The following LDAH variants were observed in gnomAD, a reference collection of about 807,000 sequenced individuals.
LDAH encodes lipid droplet associated hydrolase, also known as lipid droplet-associated hydrolase.
In LDAH, 26 loss-of-function variants were observed where a neutral mutation model predicts 29.6. That is an observed-to-expected ratio of 0.88 (90% CI 0.64 to 1.22). The LOEUF (loss-of-function observed/expected upper bound fraction) is 1.22, where lower values mean the gene tolerates loss of function less well. Ranked by LOEUF, LDAH falls within the 50% of genes most tolerant of loss-of-function variation. LDAH has a pLI of 0.00. For missense variants in LDAH, 344 were observed against 387.3 expected (o/e 0.89, Z 0.94); for synonymous variants, 117 against 133.0 (o/e 0.88, Z 0.83).
intron 1 of LDAH, among the ~76,000 whole-genome samples, chr2:20,818,768 T>G (rs1452642722): frequency 6.6e-6 from 1 of 152,140 alleles, no homozygotes; most frequent in Non-Finnish European, 1.5e-5. Flanking sequence ...AGTCACATAT[T>G]ACTTTGAAAT....
intron 2 of LDAH, among the ~76,000 whole-genome samples, chr2:20,793,534 A>G (rs938833157): frequency 6.6e-6 from 1 of 152,200 alleles, no homozygotes; most frequent in Non-Finnish European, 1.5e-5. Flanking sequence ...TGGCTAAAGC[A>G]TAACAAGAGA....
At chr2:20,744,742 T>G (rs1283447906) in intron 4 of LDAH, among the ~76,000 whole-genome samples, 1 of 152,186 alleles carries the variant, frequency 6.6e-6, no homozygotes, top group Non-Finnish European at 1.5e-5. Context: ...CTAATTGAGC[T>G]CATGTAGGTA....
chr2:20,809,370 G>A (rs974271620), intron 1 of LDAH, among the ~76,000 whole-genome samples: 2 of 152,140 alleles, frequency 1.3e-5, no homozygotes, highest in African/African-American at 4.8e-5. Context: ...CTGCACTCCA[G>A]CCTGGCAGCA....
Position 20,734,542 on chromosome 2 carries a change from A to T in LDAH, c.703+5429T>A, listed in dbSNP as rs1209803439. 2.0e-5 allele frequency among the ~76,000 whole-genome samples: 3 copies of T among 152,190 alleles called. No homozygotes were observed. The East Asian group carries it at 5.8e-4, about 29-fold the overall frequency. ...ACATCTTACAGTTCAAGTAAAGTGT[A>T]GAAACCTTACTTGCCATTATGTCCC... On this transcript the variant is annotated intron_variant, in intron 5 of 6. Transcript: ENST00000237822.
intron 4 of LDAH, among the ~76,000 whole-genome samples, chr2:20,762,155 T>C (rs1320259387): frequency 1.3e-5 from 2 of 152,138 alleles, no homozygotes; most frequent in Admixed American, 6.5e-5. Context: ...CTTTCCATAC[T>C]CTACCTAACC....
At chr2:20,808,639 T>G (rs933732289) in intron 1 of LDAH, among the ~76,000 whole-genome samples, 2 of 133,654 alleles carry the variant, frequency 1.5e-5, no homozygotes, top group Non-Finnish European at 3.1e-5. Flanking sequence ...GCCTGCGCGA[T>G]AGAGAGAGAC....
chr2:20,756,082 A>G (rs1258779968), intron 4 of LDAH, among the ~76,000 whole-genome samples: 1 of 151,558 alleles, frequency 6.6e-6, no homozygotes. Flanking sequence ...CCCAGGCTAG[A>G]GTGTAGTGGC....
chr2:20,772,473 T>C (rs1669500130), intron 4 of LDAH, among the ~76,000 whole-genome samples: 1 of 152,232 alleles, frequency 6.6e-6, no homozygotes, highest in Non-Finnish European at 1.5e-5. Context: ...CCTATGTCCA[T>C]GTTCTTGACT....
chr2:20,789,230 G>C, intron 3 of LDAH: 1 of 1,550,508 alleles, frequency 6.4e-7, no homozygotes, highest in Non-Finnish European at 8.7e-7. Context: ...AGGTGGAGAG[G>C]GGTCTTTGGG....
downstream of LDAH, among the ~76,000 whole-genome samples, chr2:20,683,259 G>A (rs1662365832): frequency 6.6e-6 from 1 of 152,138 alleles, no homozygotes; most frequent in South Asian, 2.1e-4. Context: ...TCTGTATGGG[G>A]CACAGGCAGG....
At position 20,774,868 on chromosome 2, in the gene LDAH, C is replaced by T. The variant is rs766356251; in HGVS notation, c.410G>A (p.Gly137Asp). The T allele has an allele frequency of 2.5e-6, 4 of 1,613,524 alleles. No homozygotes were observed. Among genetic ancestry groups the T allele is most frequent in the East Asian group, 2.2e-5 (1 of 44,886 alleles). The change falls in exon 4 of 7, where the codon GGC (glycine) becomes GAC (aspartate). Residue 137 changes from glycine (G) to aspartate (D), a missense_variant. Coordinates refer to ENST00000237822, the MANE Select transcript of LDAH (RefSeq NM_021925.4). The stretch of plus-strand genomic sequence containing the variant: ...TGTGAAATAGCTGCCTATTGAATGG[C>T]CAATGAGCACAAGTTTCATGTCCTT... ...VPKDMKLVLI[G>D]HSIGSYFTLQ... is the part of the protein sequence containing the mutation.
chr2:20,775,628 A>G (rs1051132994), intron 3 of LDAH, among the ~76,000 whole-genome samples: 1 of 152,222 alleles, frequency 6.6e-6, no homozygotes, highest in Admixed American at 6.5e-5. Context: ...CTTAGGTAGA[A>G]ATGTTAAAAA....
chr2:20,711,788 C>T (rs1276951692), intron 5 of LDAH, among the ~76,000 whole-genome samples: 3 of 152,368 alleles, frequency 2.0e-5, no homozygotes, highest in East Asian at 1.9e-4. Context: ...TCACTGCTAG[C>T]GCAGCAGTCT....
At chr2:20,735,875 C>A (rs1015216541) in intron 5 of LDAH, among the ~76,000 whole-genome samples, 1 of 152,084 alleles carries the variant, frequency 6.6e-6, no homozygotes, top group Non-Finnish European at 1.5e-5. Context: ...TTGGCTGGGA[C>A]AAGTGGTGAG....
chr2:20,762,226 T>G (rs957762084), intron 4 of LDAH, among the ~76,000 whole-genome samples: 1 of 152,162 alleles, frequency 6.6e-6, no homozygotes, highest in Non-Finnish European at 1.5e-5. Context: ...ATAATAGTTT[T>G]GCACATGATT....
chr2:20,800,511 C>A (rs571325545), intron 2 of LDAH, among the ~76,000 whole-genome samples: 1 of 152,190 alleles, frequency 6.6e-6, no homozygotes, highest in Non-Finnish European at 1.5e-5. Context: ...ATTTTGAATA[C>A]CTGCAATCGC....
intron 6 of LDAH, among the ~76,000 whole-genome samples, chr2:20,692,153 G>A (rs941717010): frequency 6.6e-6 from 1 of 152,194 alleles, no homozygotes; most frequent in Non-Finnish European, 1.5e-5. Context: ...ATTCAGAAGT[G>A]TGTAAGATGG....
intron 5 of LDAH, among the ~76,000 whole-genome samples, chr2:20,714,800 T>C (rs991853992): frequency 2.0e-5 from 3 of 152,212 alleles, no homozygotes; most frequent in Non-Finnish European, 2.9e-5. Context: ...GATAAATTCC[T>C]GGACACATAC....
chr2:20,792,249 A>G (rs1188111636), intron 2 of LDAH, among the ~76,000 whole-genome samples: 1 of 152,102 alleles, frequency 6.6e-6, no homozygotes, highest in African/African-American at 2.4e-5. Flanking sequence ...ATTTCTTCAT[A>G]TGGCTAGAAA....
Sources: gnomAD v4.1 joint callset for allele counts (sites outside exome capture counted in the v4.1 genomes callset) on GRCh38, gnomAD v4.1.1 for gene constraint, MANE v1.5 for transcripts, NCBI Gene and HGNC (gene_info 2026-07-23, HGNC 2026-07-21) for gene names.